Variants in EYA2 observed in about 807,000 individuals in gnomAD.
The protein encoded by EYA2 is EYA transcriptional coactivator and phosphatase 2, also known as protein phosphatase EYA2.
A neutral mutation model predicts 69.2 loss-of-function variants in EYA2; 31 were observed. That is an observed-to-expected ratio of 0.45 (90% confidence interval 0.34 to 0.60). EYA2 has a LOEUF of 0.60. Ranked by LOEUF, EYA2 falls within the 20% of genes least tolerant of loss-of-function variation. The pLI is 0.02. For synonymous variants in EYA2, 257 were observed against 279.4 expected (o/e 0.92, Z 0.80); for missense variants, 622 against 701.2 (o/e 0.89, Z 1.28).
intron 15 of EYA2, among the ~76,000 whole-genome samples, chr20:47,187,074 TGAAAC>T (rs2034657378): frequency 6.6e-6 from 1 of 150,758 alleles, no homozygotes; most frequent in Non-Finnish European, 1.5e-5. Context: ...AAAAAATTAA[TGAAAC>T]GAAATTCAGC....
chr20:47,055,354 T>G (rs2030554948), intron 5 of EYA2, among the ~76,000 whole-genome samples: 1 of 152,224 alleles, frequency 6.6e-6, no homozygotes, highest in Non-Finnish European at 1.5e-5. Context: ...GTATTTGGTC[T>G]TGGGATCCGC....
intron 9 of EYA2, among the ~76,000 whole-genome samples, chr20:47,139,049 T>C (rs2146592574): frequency 6.6e-6 from 1 of 152,358 alleles, no homozygotes; most frequent in African/African-American, 2.4e-5. Context: ...GTGCATTTCC[T>C]TCCATTGAAA....
rs1464630404 is a variant in EYA2 at position 46,971,029 on chromosome 20, A to AGGAAAGCTCATTG, written c.-10-18971_-10-18970insGAAAGCTCATTGG. Among the ~76,000 whole-genome samples the AGGAAAGCTCATTG allele has an allele frequency of 3.3e-5, 5 of 152,236 alleles. No individual in the cohort carries two copies. In the East Asian group the frequency reaches 9.6e-4, roughly 29 times the overall value. ...TGTGATGAGTTTAGGAAAGCTCATT[A>AGGAAAGCTCATTG]GATGAGTCTGAGTATTTTTGCAGTG... On this transcript the variant is annotated intron_variant, in intron 1 of 15. Transcript: ENST00000327619.
chr20:47,143,357 T>C (rs2146599706), intron 10 of EYA2, among the ~76,000 whole-genome samples: 1 of 152,296 alleles, frequency 6.6e-6, no homozygotes, highest in South Asian at 2.1e-4. Context: ...AGCTCAATTA[T>C]CTCCCTAGCT....
intron 8 of EYA2, among the ~76,000 whole-genome samples, chr20:47,092,091 A>G (rs898923379): frequency 9.2e-5 from 14 of 152,210 alleles, no homozygotes; most frequent in African/African-American, 3.4e-4. Flanking sequence ...TGCTGACTTC[A>G]GCATGTTCAG....
At chr20:46,923,609 A>G (rs1445107247) in intron 1 of EYA2, among the ~76,000 whole-genome samples, 1 of 152,246 alleles carries the variant, frequency 6.6e-6, no homozygotes, top group Non-Finnish European at 1.5e-5. Flanking sequence ...CTTGGGAAAT[A>G]CCATTGGAAT....
At chr20:46,910,533 A>G (rs904242480) in intron 1 of EYA2, among the ~76,000 whole-genome samples, 1 of 152,290 alleles carries the variant, frequency 6.6e-6, no homozygotes, top group African/African-American at 2.4e-5. Context: ...CAAGCATAGG[A>G]CATGCGCTGG....
At position 46,977,794 on chromosome 20, in the gene EYA2, T is replaced by A. The variant is rs537838141; in HGVS notation, c.-10-12207T>A. 3.3e-5 allele frequency among the ~76,000 whole-genome samples: 5 copies of A among 152,290 alleles called. No homozygotes were observed. In the East Asian group the frequency reaches 9.6e-4, roughly 29 times the overall value. On this transcript the variant is annotated intron_variant, in intron 1 of 15. Transcript: ENST00000327619. ...TTGCAGCCCTGCCCCACAACTTCTA[T>A]TCAATGACACTTCCCCATGTTAAGG... is the stretch of plus-strand genomic sequence containing the variant.
chr20:46,948,476 ACT>A (rs1197850765), intron 1 of EYA2, among the ~76,000 whole-genome samples: 2 of 152,104 alleles, frequency 1.3e-5, no homozygotes, highest in Non-Finnish European at 2.9e-5. Flanking sequence ...TATGGGTGAG[ACT>A]CTATAGTTTG....
At chr20:47,083,819 T>G (rs1157709542) in intron 7 of EYA2, among the ~76,000 whole-genome samples, 1 of 152,134 alleles carries the variant, frequency 6.6e-6, no homozygotes, top group Non-Finnish European at 1.5e-5. Context: ...TTAAAACTGT[T>G]CAGAGAATGA....
chr20:46,969,896 A>C (rs990426791), intron 1 of EYA2, among the ~76,000 whole-genome samples: 1 of 152,186 alleles, frequency 6.6e-6, no homozygotes, highest in African/African-American at 2.4e-5. Context: ...TTTACTATTA[A>C]ATGTAAGGGG....
At chr20:47,047,687 T>A (rs2030117087) in intron 5 of EYA2, among the ~76,000 whole-genome samples, 1 of 146,276 alleles carries the variant, frequency 6.8e-6, no homozygotes, top group East Asian at 2.1e-4. Flanking sequence ...GCGCCCAGCC[T>A]GTCTCTCATT....
chr20:46,962,459 A>T (rs1031247123), intron 1 of EYA2, among the ~76,000 whole-genome samples: 4 of 152,178 alleles, frequency 2.6e-5, no homozygotes, highest in African/African-American at 9.7e-5. Context: ...TACAATTATT[A>T]TGTGTCAATT....
intron 1 of EYA2, among the ~76,000 whole-genome samples, chr20:46,971,102 CACACAT>C (rs1980116712): frequency 6.6e-6 from 1 of 151,766 alleles, no homozygotes; most frequent in African/African-American, 2.4e-5. Context: ...CACACACACA[CACACAT>C]GCACACACAC....
chr20:46,976,517 C>G (rs1157172083), intron 1 of EYA2, among the ~76,000 whole-genome samples: 1 of 152,170 alleles, frequency 6.6e-6, no homozygotes, highest in Non-Finnish European at 1.5e-5. Context: ...TCCCGAGTAG[C>G]TGGGACTACA....
intron 1 of EYA2, among the ~76,000 whole-genome samples, chr20:46,966,660 A>T (rs1437467204): frequency 6.6e-6 from 1 of 152,122 alleles, no homozygotes; most frequent in African/African-American, 2.4e-5. Context: ...TACAAAAAAA[A>T]TTAGCCGGGC....
At chr20:47,143,916 G>A (rs1600740676) in intron 10 of EYA2, among the ~76,000 whole-genome samples, 1 of 152,266 alleles carries the variant, frequency 6.6e-6, no homozygotes, top group South Asian at 2.1e-4. Context: ...AAAGTAAAGA[G>A]GGAAATACAA....
At chr20:46,985,242 C>T (rs1434962880) in intron 1 of EYA2, among the ~76,000 whole-genome samples, 1 of 152,196 alleles carries the variant, frequency 6.6e-6, no homozygotes, top group East Asian at 1.9e-4. Context: ...TTCCTCCCTT[C>T]CTCCAACAGA....
At chr20:47,041,065 G>A (rs1047474735) in intron 5 of EYA2, among the ~76,000 whole-genome samples, 1 of 152,166 alleles carries the variant, frequency 6.6e-6, no homozygotes, top group Admixed American at 6.5e-5. Context: ...CCCTCCACAG[G>A]GAAGTTAGAT....
Sources: gnomAD v4.1 joint callset for allele counts (sites outside exome capture counted in the v4.1 genomes callset) on GRCh38, gnomAD v4.1.1 for gene constraint, MANE v1.5 for transcripts, NCBI Gene and HGNC (gene_info 2026-07-23, HGNC 2026-07-21) for gene names.